WDPCP: variants seen among roughly 807,000 people sequenced by gnomAD.
WDPCP encodes WD repeat-containing and planar cell polarity effector protein fritz homolog.
In WDPCP, 71 loss-of-function variants were observed where a neutral mutation model predicts 93.1. The ratio of observed to expected loss-of-function variants is 0.76; its 90% CI spans 0.63 to 0.93. WDPCP has a LOEUF of 0.93. Among genes scored for constraint, WDPCP ranks in the 40% least tolerant of loss-of-function variants. The pLI is 0.00. For synonymous variants in WDPCP, 315 were observed against 315.0 expected (o/e 1.00, Z 0.00); for missense variants, 844 against 887.4 (o/e 0.95, Z 0.62).
intron 1 of WDPCP, among the ~76,000 whole-genome samples, chr2:63,534,110 G>C (rs1478021330): frequency 6.6e-6 from 1 of 152,058 alleles, no homozygotes; most frequent in Non-Finnish European, 1.5e-5. Flanking sequence ...AGAAAATCTA[G>C]AAGAAATGGA....
intron 14 of WDPCP, among the ~76,000 whole-genome samples, chr2:63,211,665 T>G (rs1234149206): frequency 2.6e-5 from 4 of 152,058 alleles, no homozygotes; most frequent in Non-Finnish European, 2.9e-5. Flanking sequence ...AATAACAAAC[T>G]TCTCTGAGCT....
intron 10 of WDPCP, among the ~76,000 whole-genome samples, chr2:63,396,493 G>A (rs1693736286): frequency 6.6e-6 from 1 of 152,056 alleles, no homozygotes; most frequent in Non-Finnish European, 1.5e-5. Flanking sequence ...ACTCTATGAG[G>A]GCATTGTGGG....
intron 3 of WDPCP, among the ~76,000 whole-genome samples, chr2:63,611,523 A>G (rs903025279): frequency 1.3e-5 from 2 of 152,214 alleles, no homozygotes; most frequent in Non-Finnish European, 2.9e-5. Flanking sequence ...ATTAGAAAGT[A>G]CCTTTTTGGT....
At chr2:63,208,394 A>G (rs1195616964) in intron 14 of WDPCP, among the ~76,000 whole-genome samples, 3 of 152,148 alleles carry the variant, frequency 2.0e-5, no homozygotes, top group East Asian at 3.8e-4. Context: ...TGTTCATCAT[A>G]TAGAGAAAAA....
intron 13 of WDPCP, among the ~76,000 whole-genome samples, chr2:63,290,574 AC>A (rs1393695729): frequency 4.0e-5 from 6 of 150,928 alleles, no homozygotes; most frequent in Non-Finnish European, 8.9e-5. Flanking sequence ...TATCTGAAAA[AC>A]CTCCTTCAGC....
At chr2:63,152,620 A>T (rs1000233908) in intron 17 of WDPCP, among the ~76,000 whole-genome samples, 4 of 152,044 alleles carry the variant, frequency 2.6e-5, no homozygotes, top group African/African-American at 9.7e-5. Flanking sequence ...CTTTCTCCCT[A>T]CTGAATCATT....
Position 63,492,844 on chromosome 2 carries a change from G to A in WDPCP, c.160+12C>T. Reference sequence around the variant, plus strand: ...TTTGAAAAATATTGAAATTAATCCAGAGCTCATTTACCCGCAATGTGTAAG... The same window carrying A: ...TTTGAAAAATATTGAAATTAATCCAAAGCTCATTTACCCGCAATGTGTAAG... On this transcript the variant is annotated intron_variant, in intron 2 of 17. Transcript: ENST00000272321. 6.2e-7 allele frequency: 1 copy of A among 1,612,220 alleles called. No homozygotes were observed. The highest frequency in any genetic ancestry group is 8.5e-7 in the Non-Finnish European group (1 of 1,178,682).
At chr2:63,488,970 G>A (rs2105927679) in intron 2 of WDPCP, among the ~76,000 whole-genome samples, 1 of 152,120 alleles carries the variant, frequency 6.6e-6, no homozygotes, top group Non-Finnish European at 1.5e-5. Flanking sequence ...TGGGGAAGGT[G>A]TCCATTCAGA....
chr2:63,184,996 G>C (rs1574824376), intron 14 of WDPCP, among the ~76,000 whole-genome samples: 1 of 151,784 alleles, frequency 6.6e-6, no homozygotes, highest in Non-Finnish European at 1.5e-5. Context: ...GTCAGTTATT[G>C]ACCCTTTCAG....
intron 1 of WDPCP, among the ~76,000 whole-genome samples, chr2:63,573,489 C>T (rs1027185688): frequency 6.6e-6 from 1 of 152,238 alleles, no homozygotes; most frequent in African/African-American, 2.4e-5. Flanking sequence ...GGACACTTAT[C>T]ACTTCCCCAA....
At chr2:63,301,864 G>A (rs1230010079) in intron 13 of WDPCP, among the ~76,000 whole-genome samples, 1 of 151,016 alleles carries the variant, frequency 6.6e-6, no homozygotes, top group East Asian at 1.9e-4. Context: ...AGTGCATTCT[G>A]AAGCACTGGG....
At chr2:63,556,177 G>GT (rs1219163272) in intron 1 of WDPCP, among the ~76,000 whole-genome samples, 6 of 152,156 alleles carry the variant, frequency 3.9e-5, no homozygotes, top group Middle Eastern at 3.2e-3. Context: ...GCTGAAAAAC[G>GT]TAACATGAGA....
intron 2 of WDPCP, among the ~76,000 whole-genome samples, chr2:63,697,979 C>T (rs1290440432): frequency 1.5e-5 from 2 of 133,160 alleles, no homozygotes; most frequent in Admixed American, 1.6e-4. Context: ...GATAGAGTCT[C>T]GCTCTGTCGC....
chr2:63,606,912 T>G, intron 3 of WDPCP: 1 of 1,612,580 alleles, frequency 6.2e-7, no homozygotes, highest in Non-Finnish European at 8.5e-7. Flanking sequence ...ATTTCTCACG[T>G]GAGAAGATGG....
chr2:63,151,866 A>G (rs945311258), intron 17 of WDPCP, among the ~76,000 whole-genome samples: 2 of 152,114 alleles, frequency 1.3e-5, no homozygotes, highest in Non-Finnish European at 1.5e-5. Flanking sequence ...CTATTTTAGG[A>G]ATGAAGAAGT....
At chr2:63,434,586 A>G (rs1697005401) in intron 8 of WDPCP, among the ~76,000 whole-genome samples, 1 of 152,134 alleles carries the variant, frequency 6.6e-6, no homozygotes, top group Non-Finnish European at 1.5e-5. Flanking sequence ...TGTGTGACAC[A>G]TGCCAAGGAA....
intron 1 of WDPCP, among the ~76,000 whole-genome samples, chr2:63,503,906 T>C (rs200905537): frequency 1.1e-5 from 1 of 94,912 alleles, no homozygotes; most frequent in African/African-American, 4.0e-5. Flanking sequence ...TGAGCTCAAA[T>C]GAAAAAAAAA....
chr2:63,533,715 T>G (rs1704041928), intron 1 of WDPCP, among the ~76,000 whole-genome samples: 1 of 152,140 alleles, frequency 6.6e-6, no homozygotes, highest in Non-Finnish European at 1.5e-5. Flanking sequence ...AAGCAGTGTG[T>G]AGAGGGAAAT....
At chr2:63,287,863 C>T (rs1417954013) in intron 13 of WDPCP, among the ~76,000 whole-genome samples, 1 of 152,090 alleles carries the variant, frequency 6.6e-6, no homozygotes, top group East Asian at 1.9e-4. Flanking sequence ...TTTGAGTCAA[C>T]AGAGGCAAAA....
Sources: allele counts gnomAD v4.1 joint callset (sites outside exome capture counted in the v4.1 genomes callset), GRCh38; gene constraint gnomAD v4.1.1; transcripts MANE v1.5; gene names NCBI Gene and HGNC (gene_info 2026-07-23, HGNC 2026-07-21).